Variants in ABI1 observed in about 807,000 individuals in gnomAD.
ABI1 encodes the protein abl interactor 1, also known as Abelson interactor 1.
In ABI1, 14 loss-of-function variants were observed where a neutral mutation model predicts 54.6. The observed-to-expected ratio is 0.26, with a 90% CI of 0.17 to 0.40. The LOEUF is 0.40. Among genes scored for constraint, ABI1 ranks in the 10% least tolerant of loss-of-function variants. The pLI, the probability that ABI1 is intolerant of heterozygous loss-of-function variation, is 1.00. For synonymous variants in ABI1, 194 were observed against 209.3 expected (o/e 0.93, Z 0.63); for missense variants, 443 against 598.3 (o/e 0.74, Z 2.71).
chr10:26,784,009 A>T (rs1156890423), intron 2 of ABI1, among the ~76,000 whole-genome samples: 1 of 152,190 alleles, frequency 6.6e-6, no homozygotes, highest in Non-Finnish European at 1.5e-5. Flanking sequence ...GTGGCAGTCA[A>T]AGGGGTACAA....
At chr10:26,768,562 T>G (rs972571231) in intron 6 of ABI1, among the ~76,000 whole-genome samples, 1 of 151,966 alleles carries the variant, frequency 6.6e-6, no homozygotes, top group African/African-American at 2.4e-5. Flanking sequence ...AAAAAATTCT[T>G]TAGTCTTAAC....
chr10:26,777,283 A>T, intron 2 of ABI1, 42 bp from the exon 3 acceptor site: 1 of 1,512,714 alleles, frequency 6.6e-7, no homozygotes, highest in South Asian at 1.2e-5. Context: ...ATTATTTGAC[A>T]TAATATGTTT....
chr10:26,820,177 T>C (rs2047874473), intron 2 of ABI1, among the ~76,000 whole-genome samples: 1 of 152,190 alleles, frequency 6.6e-6, no homozygotes, highest in South Asian at 2.1e-4. Flanking sequence ...AGAGGAAATC[T>C]TAAATGCTCT....
chr10:26,764,418 T>C (rs1839637001), intron 7 of ABI1, among the ~76,000 whole-genome samples: 1 of 152,186 alleles, frequency 6.6e-6, no homozygotes, highest in Admixed American at 6.6e-5. Context: ...TTGAATATCA[T>C]AGATAAATGT....
At chr10:26,821,019 G>A (rs2047940200) in intron 2 of ABI1, among the ~76,000 whole-genome samples, 1 of 151,810 alleles carries the variant, frequency 6.6e-6, no homozygotes, top group Non-Finnish European at 1.5e-5. Flanking sequence ...AAGGCAGGCA[G>A]ATCACTTGAG....
rs748928252 is a variant in ABI1, at chr10:26,751,599, T to C, written c.1269A>G (p.Lys423=). The change falls in exon 10 of 11, where the codon AAA becomes AAG. Residue 423 remains lysine (K), a splice_region_variant and synonymous_variant. Transcript: ENST00000376140. ...PAWAPKNYIE[K]VVAIYDYTKD... Reference sequence around the variant, plus strand: ...ATCAACTCAATGACTGTACCTTACCTTTCTCAATATAATTCTTGGGGGCCC... The same window carrying C: ...ATCAACTCAATGACTGTACCTTACCCTTCTCAATATAATTCTTGGGGGCCC... The C allele has an allele frequency of 6.2e-7, 1 of 1,611,560 alleles. No homozygotes were observed. Among genetic ancestry groups the C allele is most frequent in the Non-Finnish European group, 8.5e-7 (1 of 1,179,112 alleles).
At chr10:26,793,191 G>C (rs80226471) in intron 2 of ABI1, among the ~76,000 whole-genome samples, 1,793 of 152,300 alleles carry the variant, frequency 0.012, 10 homozygotes, top group Non-Finnish European at 0.018. Context: ...AGAAAGGAGA[G>C]GGGTATAAAA....
intron 9 of ABI1, among the ~76,000 whole-genome samples, 190 bp downstream of exon 9, chr10:26,755,465 A>T (rs1245422381): frequency 2.0e-5 from 3 of 152,196 alleles, no homozygotes; most frequent in African/African-American, 7.2e-5. Context: ...TGAAATTTAT[A>T]TGGGTCAGTA....
At chr10:26,859,945 C>T (rs951736462) in intron 1 of ABI1, among the ~76,000 whole-genome samples, 2 of 151,922 alleles carry the variant, frequency 1.3e-5, no homozygotes, top group Admixed American at 6.6e-5. Context: ...GCCCTAACAA[C>T]CTCTTAGAAT....
chr10:26,827,310 C>T (rs1369449777), intron 1 of ABI1, among the ~76,000 whole-genome samples: 1 of 151,638 alleles, frequency 6.6e-6, no homozygotes, highest in East Asian at 2.0e-4. Context: ...CAAGCTCCTT[C>T]TCCCAGGTTC....
At chr10:26,840,942 T>C (rs1474695176) in intron 1 of ABI1, among the ~76,000 whole-genome samples, 1 of 152,296 alleles carries the variant, frequency 6.6e-6, no homozygotes, top group African/African-American at 2.4e-5. Context: ...GATTCTAGCA[T>C]AGTAATTAAA....
intron 6 of ABI1, among the ~76,000 whole-genome samples, chr10:26,767,317 T>C (rs528189391): frequency 2.0e-4 from 30 of 152,330 alleles, no homozygotes; most frequent in African/African-American, 7.2e-4. Flanking sequence ...ACCGCTTACC[T>C]AGCATCTCGC....
chr10:26,749,156 A>C lies in ABI1; in HGVS notation c.1271-411T>G, dbSNP rs576343380. ...AATCCAAGCTATCTAATTTGAAAAA[A>C]CACAGTTACTGGAAGGTAAATCACA... On this transcript the variant is annotated intron_variant, in intron 10 of 10. Coordinates refer to ENST00000376140, the MANE Select transcript of ABI1 (RefSeq NM_001012750.3). 1.8e-4 allele frequency among the ~76,000 whole-genome samples: 28 copies of C among 152,294 alleles called. No homozygotes were observed. In the East Asian group the frequency reaches 5.4e-3, roughly 29 times the overall value.
chr10:26,800,526 C>T (rs964458087), intron 2 of ABI1, among the ~76,000 whole-genome samples: 4 of 152,166 alleles, frequency 2.6e-5, no homozygotes, highest in African/African-American at 9.7e-5. Context: ...ACCTATAATT[C>T]CAGTACTTTG....
At chr10:26,837,731 C>T (rs182432802) in intron 1 of ABI1, among the ~76,000 whole-genome samples, 83 of 152,162 alleles carry the variant, frequency 5.5e-4, no homozygotes, top group African/African-American at 1.4e-3. Context: ...TCACATGCCT[C>T]GGCCTCTTCA....
In ABI1 at chr10:26,763,834, A is replaced by G. The variant is rs201595826; in HGVS notation, c.820+1384T>C. 2,608 of 1,525,788 alleles carry G rather than the reference A, an allele frequency of 1.7e-3. 3 individuals carry two copies. The highest frequency in any genetic ancestry group is 2.1e-3 in the Non-Finnish European group (2,292 of 1,100,614). 94.5% of individuals were successfully genotyped at this position (1,525,788 alleles called of 1,614,324 possible). A position where few individuals can be genotyped will look rare whatever the true frequency, so the allele number is the denominator to read the frequency against. On this transcript the variant is annotated intron_variant, in intron 7 of 10. Transcript: ENST00000376140. ...ACTAGCACAGAGGAGTTTATTATGA[A>G]TTATGTAAAGTGAGTTCAATGGCTC... is the stretch of plus-strand genomic sequence containing the variant.
chr10:26,777,250 T>G lies in ABI1; in HGVS notation c.286-9A>C. The G allele has an allele frequency of 6.3e-7, 1 of 1,594,550 alleles. No individual in the cohort carries two copies. Among genetic ancestry groups the G allele is most frequent in the South Asian group, 1.1e-5 (1 of 88,262 alleles). On this transcript the variant is annotated splice_polypyrimidine_tract_variant and intron_variant, in intron 2 of 10. Coordinates refer to ENST00000376140, the MANE Select transcript of ABI1 (RefSeq NM_001012750.3). The stretch of plus-strand genomic sequence containing the variant: ...TTATGAATATCCACAGTCTATATTT[T>G]AATTTGAACAAAACAAGAAAATATT...
At chr10:26,793,917 C>A (rs569394673) in intron 2 of ABI1, among the ~76,000 whole-genome samples, 1 of 151,890 alleles carries the variant, frequency 6.6e-6, no homozygotes, top group African/African-American at 2.4e-5. Context: ...ATAGTGAGAC[C>A]CTGTGTCTAC....
intron 2 of ABI1, among the ~76,000 whole-genome samples, chr10:26,821,194 G>A (rs575414264): frequency 6.9e-6 from 1 of 144,724 alleles, no homozygotes; most frequent in South Asian, 2.2e-4. Context: ...GCAGTGAGCC[G>A]AGATCATGCC....
Sources: allele counts gnomAD v4.1 joint callset (sites outside exome capture counted in the v4.1 genomes callset), GRCh38; gene constraint gnomAD v4.1.1; transcripts MANE v1.5; gene names NCBI Gene and HGNC (gene_info 2026-07-23, HGNC 2026-07-21).